The following FRMD4B variants were observed in gnomAD, a reference collection of about 807,000 sequenced individuals.
FRMD4B encodes FERM domain containing 4B.
In FRMD4B, 74 loss-of-function variants were observed where a neutral mutation model predicts 141.5. That is an observed-to-expected ratio of 0.52 (90% CI 0.43 to 0.63). The LOEUF (loss-of-function observed/expected upper bound fraction) is 0.63, where lower values mean the gene tolerates loss of function less well. Ranked by LOEUF, FRMD4B falls within the 30% of genes least tolerant of loss-of-function variation. The probability of loss-of-function intolerance (pLI) is 0.00; values close to 1 mark genes in which losing one functional copy is unlikely to be tolerated. For synonymous variants in FRMD4B, 506 were observed against 467.9 expected (o/e 1.08, Z -1.05); for missense variants, 1,366 against 1,253.4 (o/e 1.09, Z -1.36).
At chr3:69,227,611 G>A (rs4467461) in intron 7 of FRMD4B, among the ~76,000 whole-genome samples, 4,316 of 151,156 alleles carry the variant, frequency 0.029, 68 homozygotes, top group East Asian at 0.074. Flanking sequence ...GCAGTGAGCC[G>A]AGATCGCGCC....
At chr3:69,334,242 TG>T (rs1702469015) in intron 1 of FRMD4B, 1 of 152,100 alleles carries the variant, frequency 6.6e-6, no homozygotes, top group Non-Finnish European at 1.5e-5. Flanking sequence ...ATTTGTAAAA[TG>T]GGGGGATGGT....
At chr3:69,528,141 C>T (rs962762484) in intron 1 of FRMD4B, among the ~76,000 whole-genome samples, 1 of 152,152 alleles carries the variant, frequency 6.6e-6, no homozygotes, top group Non-Finnish European at 1.5e-5. Context: ...TATCTCTCTG[C>T]CCAAGAAAAA....
intron 1 of FRMD4B, among the ~76,000 whole-genome samples, chr3:69,500,635 T>C (rs538162890): frequency 6.6e-6 from 1 of 151,968 alleles, no homozygotes; most frequent in Non-Finnish European, 1.5e-5. Context: ...GGGCACAAAG[T>C]GAGGGCACAT....
intron 9 of FRMD4B, among the ~76,000 whole-genome samples, chr3:69,219,275 A>C (rs2093171084): frequency 6.6e-6 from 1 of 152,166 alleles, no homozygotes; most frequent in Admixed American, 6.6e-5. Context: ...GGGTGGACTA[A>C]ATTTTGTAAC....
chr3:69,204,093 G>C (rs1161812018), intron 11 of FRMD4B, among the ~76,000 whole-genome samples: 2 of 152,130 alleles, frequency 1.3e-5, no homozygotes, highest in East Asian at 1.9e-4. Context: ...AATGGGGAGG[G>C]AGGGGCTGGT....
chr3:69,434,766 T>A (rs1381987025), intron 1 of FRMD4B, among the ~76,000 whole-genome samples: 2 of 152,196 alleles, frequency 1.3e-5, no homozygotes, highest in Non-Finnish European at 2.9e-5. Flanking sequence ...AATGTTAAGA[T>A]CTCAATGAGT....
At chr3:69,370,318 C>T (rs551682939) in intron 1 of FRMD4B, among the ~76,000 whole-genome samples, 1 of 152,208 alleles carries the variant, frequency 6.6e-6, no homozygotes, top group Admixed American at 6.5e-5. Context: ...AACCACAGGG[C>T]CGGGTGCAGG....
chr3:69,402,773 A>G (rs930879815), intron 2 of FRMD4B, among the ~76,000 whole-genome samples: 2 of 152,218 alleles, frequency 1.3e-5, no homozygotes, highest in East Asian at 3.8e-4. Flanking sequence ...TATTGGCATC[A>G]GGAGACAGTG....
At chr3:69,327,730 G>T (rs1702230161) in intron 1 of FRMD4B, among the ~76,000 whole-genome samples, 1 of 152,132 alleles carries the variant, frequency 6.6e-6, no homozygotes, top group African/African-American at 2.4e-5. Flanking sequence ...CATCATATTT[G>T]GGTAAGGGTT....
chr3:69,375,196 C>T (rs949567203), intron 1 of FRMD4B, among the ~76,000 whole-genome samples: 1 of 151,152 alleles, frequency 6.6e-6, no homozygotes. Context: ...TCCACCCATC[C>T]ATCCATTCAT....
At chr3:69,321,313 A>G (rs1701987633) in intron 1 of FRMD4B, among the ~76,000 whole-genome samples, 1 of 152,226 alleles carries the variant, frequency 6.6e-6, no homozygotes, top group Admixed American at 6.5e-5. Flanking sequence ...GTTCTTTGGA[A>G]CAGAAACATA....
intron 1 of FRMD4B, among the ~76,000 whole-genome samples, chr3:69,461,794 T>C (rs1204055766): frequency 6.6e-6 from 1 of 152,158 alleles, no homozygotes; most frequent in African/African-American, 2.4e-5. Flanking sequence ...CAATATATCC[T>C]GGATTTTTCC....
At chr3:69,434,767 CT>C (rs1383505310) in intron 1 of FRMD4B, among the ~76,000 whole-genome samples, 1 of 152,184 alleles carries the variant, frequency 6.6e-6, no homozygotes, top group African/African-American at 2.4e-5. Context: ...ATGTTAAGAT[CT>C]CAATGAGTTG....
chr3:69,429,063 G>A (rs1490959473), intron 2 of FRMD4B, among the ~76,000 whole-genome samples: 1 of 149,272 alleles, frequency 6.7e-6, no homozygotes, highest in African/African-American at 2.5e-5. Flanking sequence ...TTTTCCCTCT[G>A]TTACTTAATA....
intron 1 of FRMD4B, among the ~76,000 whole-genome samples, chr3:69,369,169 G>C (rs1191490301): frequency 6.6e-6 from 1 of 152,180 alleles, no homozygotes; most frequent in Non-Finnish European, 1.5e-5. Flanking sequence ...GCTATCTTTA[G>C]TGAATATGTT....
chr3:69,404,391 G>T (rs529909229), intron 2 of FRMD4B, among the ~76,000 whole-genome samples: 1 of 152,206 alleles, frequency 6.6e-6, no homozygotes, highest in Non-Finnish European at 1.5e-5. Flanking sequence ...GATAGAAAAT[G>T]TAACTCTGGC....
At chr3:69,237,736 G>A (rs2093354838) in intron 7 of FRMD4B, among the ~76,000 whole-genome samples, 2 of 152,242 alleles carry the variant, frequency 1.3e-5, no homozygotes, top group Admixed American at 6.5e-5. Context: ...TTTTATTTAT[G>A]TACTCATTTA....
In FRMD4B at chr3:69,244,162, G is replaced by C. The variant is rs553990610; in HGVS notation, c.581+5064C>G. 7.2e-5 allele frequency among the ~76,000 whole-genome samples: 11 copies of C among 152,290 alleles called. No individual in the cohort carries two copies. The South Asian group carries it at 8.3e-4, about 11-fold the overall frequency. On this transcript the variant is annotated intron_variant, in intron 7 of 22. Coordinates refer to ENST00000398540, the MANE Select transcript of FRMD4B (RefSeq NM_015123.3). Reference sequence around the variant, plus strand: ...AAGGAATGAGGGCTGAGAAAGTTGCGGTGCTGATCAGCAGAAGGAAATCTG... The same window carrying C: ...AAGGAATGAGGGCTGAGAAAGTTGCCGTGCTGATCAGCAGAAGGAAATCTG...
chr3:69,396,194 T>A (rs1160998034), intron 2 of FRMD4B, among the ~76,000 whole-genome samples: 1 of 152,118 alleles, frequency 6.6e-6, no homozygotes, highest in Non-Finnish European at 1.5e-5. Context: ...AGATATAAAG[T>A]GAAGCTTTCC....
Sources: allele counts gnomAD v4.1 joint callset (sites outside exome capture counted in the v4.1 genomes callset), GRCh38; gene constraint gnomAD v4.1.1; transcripts MANE v1.5; gene names NCBI Gene and HGNC (gene_info 2026-07-23, HGNC 2026-07-21).